Variants in NGEF observed in about 807,000 individuals in gnomAD.
The protein encoded by NGEF is ephexin-1.
NGEF carries 31 observed loss-of-function variants against 80.9 expected under a neutral mutation model. The observed-to-expected ratio is 0.38, with a 90% CI of 0.29 to 0.52. The LOEUF (loss-of-function observed/expected upper bound fraction) is 0.52, where lower values mean the gene tolerates loss of function less well. Among genes scored for constraint, NGEF ranks in the 20% least tolerant of loss-of-function variants. The probability of loss-of-function intolerance (pLI) is 0.84; values close to 1 mark genes in which losing one functional copy is unlikely to be tolerated. For synonymous variants in NGEF, 371 were observed against 370.2 expected, an observed-to-expected ratio of 1.00 and a Z score of -0.03; for missense variants, 709 against 926.2, an observed-to-expected ratio of 0.77 and a Z score of 3.04.
intron 8 of NGEF, chr2:232,891,015 C>T (rs1354204446): frequency 1.0e-5 from 5 of 490,016 alleles, no homozygotes; most frequent in Non-Finnish European, 2.1e-5. Flanking sequence ...CAGCTCCTCC[C>T]TGTCAGCCAG....
intron 3 of NGEF, among the ~76,000 whole-genome samples, chr2:232,942,856 C>A (rs1693466521): frequency 7.4e-6 from 1 of 135,136 alleles, no homozygotes. Flanking sequence ...CAAGTAGTAC[C>A]ATTATTTTCC....
chr2:233,012,829 G>A (rs1229401183), intron 1 of NGEF: 1 of 471,082 alleles, frequency 2.1e-6, no homozygotes, highest in East Asian at 7.0e-5. Context: ...GCGCCTGGAA[G>A]GAGTCCTTAT....
chr2:232,919,623 C>G (rs955279348), intron 5 of NGEF, among the ~76,000 whole-genome samples: 1 of 152,140 alleles, frequency 6.6e-6, no homozygotes, highest in Non-Finnish European at 1.5e-5. Flanking sequence ...ACTTAAATTT[C>G]TTATTCATTT....
At chr2:233,010,305 G>A (rs1695175325) in intron 1 of NGEF, among the ~76,000 whole-genome samples, 1 of 152,198 alleles carries the variant, frequency 6.6e-6, no homozygotes, top group Non-Finnish European at 1.5e-5. Context: ...CACCTGGAAT[G>A]TGCTATCTGT....
intron 1 of NGEF, among the ~76,000 whole-genome samples, chr2:233,011,134 G>A (rs74921097): frequency 0.048 from 7,340 of 152,230 alleles, 184 homozygotes; most frequent in Middle Eastern, 0.078. Context: ...TTTCTGGCCT[G>A]GCCTCGGGGG....
At chr2:232,980,138 G>A (rs1013437435) in intron 1 of NGEF, among the ~76,000 whole-genome samples, 9 of 152,152 alleles carry the variant, frequency 5.9e-5, no homozygotes, top group African/African-American at 2.2e-4. Flanking sequence ...GCCAGGAGGG[G>A]GCTCTATTTG....
intron 3 of NGEF, among the ~76,000 whole-genome samples, chr2:232,955,259 C>G: frequency 6.6e-6 from 1 of 152,192 alleles, no homozygotes; most frequent in East Asian, 1.9e-4. Context: ...GACATCCCAT[C>G]ATCCCCAAAT....
rs1695016681 is a variant in NGEF at position 233,003,226 on chromosome 2, C to A, written c.-75+9842G>T. 2.0e-5 allele frequency among the ~76,000 whole-genome samples: 3 copies of A among 152,196 alleles called. No homozygotes were observed. The South Asian group carries it at 6.2e-4, about 31-fold the overall frequency. On this transcript the variant is annotated intron_variant, in intron 1 of 14. Coordinates refer to ENST00000264051, the MANE Select transcript of NGEF (RefSeq NM_019850.3). ...GCGAGTGTTTGGGGCCTCCCCACCC[C>A]AAGGAAGGCCTCTGGGACTACCTGG...
At chr2:233,012,907 C>A (rs1427994070) in intron 1 of NGEF, 161 bp downstream of exon 1, 2 of 470,842 alleles carry the variant, frequency 4.2e-6, no homozygotes, top group Non-Finnish European at 8.8e-6. Flanking sequence ...AGACAGGATC[C>A]CTCGGGTGGA....
rs569937068 is a variant in NGEF at position 233,013,092 on chromosome 2, T to C, written c.-99A>G. 2.1e-6 allele frequency: 1 copy of C among 471,000 alleles called. No homozygotes were observed. Among genetic ancestry groups the C allele is most frequent in the Non-Finnish European group, 4.4e-6 (1 of 226,998 alleles). The allele number at this position is 471,000 out of a possible 1,614,324, so 29.2% of individuals were successfully genotyped here. On this transcript the variant is annotated 5_prime_UTR_variant, in exon 1 of 15. Transcript: ENST00000264051. Reference sequence around the variant, plus strand: ...CCTGCCAGAGAGGAGCTCATAGGAGTTGGGCTTCCTCAGAGAGTGTTCCTC... The same window carrying C: ...CCTGCCAGAGAGGAGCTCATAGGAGCTGGGCTTCCTCAGAGAGTGTTCCTC...
chr2:232,975,002 C>G, intron 1 of NGEF, 38 bp from the exon 2 acceptor site: 1 of 1,050,404 alleles, frequency 9.5e-7, no homozygotes, highest in Non-Finnish European at 1.4e-6. Flanking sequence ...AGTTAGTCAT[C>G]AGGCTAAGTA....
chr2:232,889,693 C>T (rs1164085706), intron 8 of NGEF, among the ~76,000 whole-genome samples: 1 of 152,188 alleles, frequency 6.6e-6, no homozygotes, highest in East Asian at 1.9e-4. Context: ...GGTTTGGGGT[C>T]GCCATCCCGG....
At chr2:232,897,197 G>A (rs114947555) in intron 5 of NGEF, among the ~76,000 whole-genome samples, 1 of 151,568 alleles carries the variant, frequency 6.6e-6, no homozygotes, top group Non-Finnish European at 1.5e-5. Context: ...TCCTTTTAGG[G>A]CCGCCCTCCG....
At chr2:233,010,256 C>G (rs1317993948) in intron 1 of NGEF, among the ~76,000 whole-genome samples, 1 of 152,126 alleles carries the variant, frequency 6.6e-6, no homozygotes, top group Non-Finnish European at 1.5e-5. Flanking sequence ...ACCCTTACTG[C>G]AGGGCTCCCT....
At chr2:232,951,172 G>A (rs1438145175) in intron 3 of NGEF, among the ~76,000 whole-genome samples, 1 of 152,120 alleles carries the variant, frequency 6.6e-6, no homozygotes. Flanking sequence ...GCTCCCAGAT[G>A]GACAGACACC....
intron 5 of NGEF, among the ~76,000 whole-genome samples, chr2:232,909,362 T>C (rs1692644706): frequency 2.0e-5 from 3 of 152,216 alleles, no homozygotes; most frequent in Admixed American, 2.0e-4. Flanking sequence ...TATCTTTGCA[T>C]TAATTCATCC....
At chr2:232,983,872 G>C (rs1269857544) in intron 1 of NGEF, among the ~76,000 whole-genome samples, 1 of 152,176 alleles carries the variant, frequency 6.6e-6, no homozygotes, top group Non-Finnish European at 1.5e-5. Flanking sequence ...TTAAGCCCAC[G>C]TGGCTGCCAC....
At chr2:232,993,110 T>TATATA (rs1694686145) in intron 1 of NGEF, among the ~76,000 whole-genome samples, 1 of 66,288 alleles carries the variant, frequency 1.5e-5, no homozygotes, top group African/African-American at 6.2e-5. Flanking sequence ...TAAATAAATA[T>TATATA]ATATATATAA....
At chr2:232,996,356 C>A (rs1169918405) in intron 1 of NGEF, among the ~76,000 whole-genome samples, 2 of 152,152 alleles carry the variant, frequency 1.3e-5, no homozygotes. Context: ...ACACAAACAA[C>A]AACAACAACA....
Sources: gnomAD v4.1 joint callset for allele counts (sites outside exome capture counted in the v4.1 genomes callset) on GRCh38, gnomAD v4.1.1 for gene constraint, MANE v1.5 for transcripts, NCBI Gene and HGNC (gene_info 2026-07-23, HGNC 2026-07-21) for gene names.